Variants in SRSF2 observed in about 807,000 individuals in gnomAD.
SRSF2 encodes serine and arginine rich splicing factor 2.
Under a neutral mutation model 15.7 loss-of-function variants are expected in SRSF2, and 4 were observed. The ratio of observed to expected loss-of-function variants is 0.26; its 90% CI spans 0.13 to 0.58. The LOEUF (loss-of-function observed/expected upper bound fraction) is 0.58, where lower values mean the gene tolerates loss of function less well. Among genes scored for constraint, SRSF2 ranks in the 20% least tolerant of loss-of-function variants. SRSF2 has a pLI of 0.90. For missense variants in SRSF2, 147 were observed against 332.4 expected (o/e 0.44, Z 4.34); for synonymous variants, 192 against 138.9 (o/e 1.38, Z -2.69).
intron 2 of SRSF2, chr17:76,735,883 G>A (rs2077438184): frequency 1.7e-6 from 1 of 577,792 alleles, no homozygotes; most frequent in South Asian, 1.7e-5. Context: ...CAGCTTTAAA[G>A]GGGGAAAATG....
In SRSF2 at chr17:76,736,350, C is replaced by CGACCGA; in HGVS notation, c.471_476dup (p.Arg158_Ser159dup). 1 of 1,614,086 alleles carries CGACCGA rather than the reference C, an allele frequency of 6.2e-7. No individual in the cohort carries two copies. Among genetic ancestry groups the CGACCGA allele is most frequent in the East Asian group, 2.2e-5 (1 of 44,864 alleles). On this transcript the variant is annotated inframe_insertion, in exon 2 of 3. Coordinates refer to ENST00000359995, the MANE Select transcript of SRSF2 (RefSeq NM_001195427.2). ...TTCGTGCGGATCTGGACTTGGAGGT[C>CGACCGA]GACCGAGATCGAGAACGAGTGCGGG...
intron 2 of SRSF2, chr17:76,735,930 T>C: frequency 1.6e-6 from 1 of 620,418 alleles, no homozygotes; most frequent in South Asian, 1.8e-5. Context: ...ATAGTCATTT[T>C]CATTAATAGG....
intron 1 of SRSF2, 141 bp downstream of exon 1, chr17:76,736,657 TG>T: frequency 8.4e-7 from 1 of 1,194,388 alleles, no homozygotes; most frequent in South Asian, 2.3e-5. Context: ...GCTCGCGGGG[TG>T]GCCGGAGGGT....
rs1465459262 is a variant in SRSF2, at chr17:76,734,201, TAC to T, written c.*963_*964del. The T allele has an allele frequency of 1.8e-5, 4 of 219,162 alleles. No individual in the cohort carries two copies. The highest frequency in any genetic ancestry group is 9.0e-5 in the African/African-American group (4 of 44,524). 13.6% of individuals were successfully genotyped at this position (219,162 alleles called of 1,614,324 possible). On this transcript the variant is annotated 3_prime_UTR_variant, in exon 3 of 3. Coordinates refer to ENST00000359995, the MANE Select transcript of SRSF2 (RefSeq NM_001195427.2). ...TACAGAATATTCATAAGCAAAAAGA[TAC>T]ACCATGTTATAAGTACTTACAAAGT... is the stretch of plus-strand genomic sequence containing the variant.
rs758866264 is a variant in SRSF2, at chr17:76,736,174, G to C, written c.653C>G (p.Ala218Gly). ...SPPKSPEEEGAVSS is the reference protein window; with the variant it reads ...SPPKSPEEEGGVSS ...ATTACCATTTTCTTAAGAGGACACCGCTCCTTCCTCTTCAGGAGACTTGGG... is the reference window on the plus strand; with the variant it reads ...ATTACCATTTTCTTAAGAGGACACCCCTCCTTCCTCTTCAGGAGACTTGGG... The change falls in exon 2 of 3, where the codon GCG becomes GGG. Residue 218 changes from alanine to glycine, a missense_variant. Physicochemically the swap from Ala to Gly is moderately conservative, Grantham distance 60 (BLOSUM62 0). Transcript: ENST00000359995. The C allele has an allele frequency of 6.2e-7, 1 of 1,608,870 alleles. No individual in the cohort carries two copies. The highest frequency in any genetic ancestry group is 8.5e-7 in the Non-Finnish European group (1 of 1,176,670).
intron 2 of SRSF2, chr17:76,735,585 GAC>G (rs916895980): frequency 8.6e-6 from 2 of 233,594 alleles, no homozygotes; most frequent in African/African-American, 2.2e-5. Context: ...AAGAGTTAAA[GAC>G]ACACTATCCT....
At chr17:76,737,401 T>C (rs2077572714), upstream of SRSF2, 2 of 470,594 alleles carry the variant, frequency 4.2e-6, no homozygotes, top group South Asian at 4.0e-5. Flanking sequence ...CACCCGGAAA[T>C]GAAACCTTCT....
intron 2 of SRSF2, 175 bp from the exon 3 acceptor site, chr17:76,735,333 T>C (rs967999665): frequency 9.2e-6 from 2 of 217,064 alleles, no homozygotes; most frequent in Non-Finnish European, 1.8e-5. Flanking sequence ...ACCATCAGCA[T>C]GTACAAGTTT....
rs200354490 is a variant in SRSF2, at chr17:76,736,978, G to A, written c.183C>T (p.Arg61=). 466 of 1,613,558 alleles carry A rather than the reference G, an allele frequency of 2.9e-4. 1 individual carries two copies. In the East Asian group the frequency reaches 9.2e-3, roughly 32 times the overall value. The change falls in exon 1 of 3, where the codon CGC becomes CGT. Residue 61 remains arginine, a synonymous_variant. Transcript: ENST00000359995. The stretch of plus-strand genomic sequence containing the variant: ...CCTCAGCGTCGCGCTTGTCGTGAAA[G>A]CGAACGAAGGCGAAGCCGCGGGACT... ...TKESRGFAFV[R]FHDKRDAEDA...
At position 76,737,269 on chromosome 17, in the gene SRSF2, G is replaced by C. The variant is rs552603580; in HGVS notation, c.-109C>G. The C allele has an allele frequency of 2.1e-6, 3 of 1,406,706 alleles. No homozygotes were observed. The highest frequency in any genetic ancestry group is 2.9e-5 in the South Asian group (2 of 68,564). 87.1% of individuals were successfully genotyped at this position (1,406,706 alleles called of 1,614,324 possible). ...GTTGCCTTCCGCGTGGGGACACTGG[G>C]AAAGGCCTTGCCGCAGAACAGCACG... On this transcript the variant is annotated 5_prime_UTR_variant, in exon 1 of 3. Transcript: ENST00000359995.
Position 76,737,038 on chromosome 17 carries a change from G to C in SRSF2, c.123C>G (p.Gly41=), listed in dbSNP as rs61742139. ...RRVFEKYGRV[G]DVYIPRDRYT... ...AGCGGTCCCGCGGGATGTACACGTCGCCGACGCGCCCGTACTTCTCGAAGA... is the reference window on the plus strand; with the variant it reads ...AGCGGTCCCGCGGGATGTACACGTCCCCGACGCGCCCGTACTTCTCGAAGA... The change falls in exon 1 of 3, where the codon GGC becomes GGG. Residue 41 remains glycine (G), a synonymous_variant. Coordinates refer to ENST00000359995, the MANE Select transcript of SRSF2 (RefSeq NM_001195427.2). The C allele has an allele frequency of 2.2e-5, 35 of 1,613,208 alleles. No individual in the cohort carries two copies. The highest frequency in any genetic ancestry group is 8.5e-7 in the Non-Finnish European group (1 of 1,179,824).
chr17:76,735,499 G>A lies in SRSF2; in HGVS notation c.*8-341C>T, dbSNP rs1349193080. ...ATAAATTGTTTCAAATGAAACATTT[G>A]GTAATTGAGAATACTACTTTAATAT... On this transcript the variant is annotated intron_variant, in intron 2 of 2. Coordinates refer to ENST00000359995, the MANE Select transcript of SRSF2 (RefSeq NM_001195427.2). 4.8e-5 allele frequency: 11 copies of A among 227,976 alleles called. No homozygotes were observed. The East Asian group carries it at 7.0e-4, about 14-fold the overall frequency. The allele number at this position is 227,976 out of a possible 1,614,324, so 14.1% of individuals were successfully genotyped here. A position where few individuals can be genotyped will look rare whatever the true frequency, so the allele number is the denominator to read the frequency against.
intron 1 of SRSF2, 134 bp downstream of exon 1, chr17:76,736,665 G>A (rs1316282054): frequency 5.8e-6 from 7 of 1,212,708 alleles, no homozygotes; most frequent in South Asian, 2.3e-5. Context: ...GGTGGCCGGA[G>A]GGTCGCGAGA....
intron 1 of SRSF2, 53 bp downstream of exon 1, chr17:76,736,746 G>C (rs907056127): frequency 7.3e-5 from 101 of 1,391,932 alleles, no homozygotes; most frequent in Middle Eastern, 2.6e-4. Flanking sequence ...GAGGTCGCCC[G>C]GGCCTCCCGC....
At chr17:76,736,654 G>A in intron 1 of SRSF2, 145 bp downstream of exon 1, 1 of 1,190,898 alleles carries the variant, frequency 8.4e-7, no homozygotes, top group African/African-American at 1.6e-5. Context: ...GAAGCTCGCG[G>A]GGTGGCCGGA....
At position 76,735,122 on chromosome 17, in the gene SRSF2, T is replaced by TC. The variant is rs1042790316; in HGVS notation, c.*43dup. The stretch of plus-strand genomic sequence containing the variant: ...CTTCGATGGACTATGTGGTCCTTTT[T>TC]CCCCAAGTCCTCCGTTTACACTGCT... On this transcript the variant is annotated 3_prime_UTR_variant, in exon 3 of 3. Coordinates refer to ENST00000359995, the MANE Select transcript of SRSF2 (RefSeq NM_001195427.2). 2.7e-5 allele frequency: 6 copies of TC among 219,314 alleles called. No individual in the cohort carries two copies. The highest frequency in any genetic ancestry group is 6.7e-5 in the East Asian group (1 of 14,882). 13.6% of individuals were successfully genotyped at this position (219,314 alleles called of 1,614,324 possible).
At chr17:76,737,335 C>T (rs376946601), upstream of SRSF2, 13 of 828,966 alleles carry the variant, frequency 1.6e-5, no homozygotes, top group Non-Finnish European at 2.0e-5. Flanking sequence ...AACAACTGGG[C>T]GGGCAGCCGG....
At position 76,734,137 on chromosome 17, in the gene SRSF2, G is replaced by A. The variant is rs1338210108; in HGVS notation, c.*1029C>T. On this transcript the variant is annotated 3_prime_UTR_variant, in exon 3 of 3. Transcript: ENST00000359995. The stretch of plus-strand genomic sequence containing the variant: ...ATATTCTGAGAAAAGCTAACACCAA[G>A]AAAATGTTTTAATTAAACTACAGAA... 3 of 207,932 alleles carry A rather than the reference G, an allele frequency of 1.4e-5. No homozygotes were observed. The highest frequency in any genetic ancestry group is 2.3e-5 in the African/African-American group (1 of 43,868). The allele number at this position is 207,932 out of a possible 1,614,324, so 12.9% of individuals were successfully genotyped here.
rs754741757 is a variant in SRSF2 at position 76,736,780 on chromosome 17, T to G, written c.362+19A>C. On this transcript the variant is annotated intron_variant, in intron 1 of 2. Coordinates refer to ENST00000359995, the MANE Select transcript of SRSF2 (RefSeq NM_001195427.2). ...GCGCGCCCCGCCCCGCCTCCCGCGG[T>G]CCCCTCAGCCCCGTTTACCTGCGGC... 2 of 1,417,936 alleles carry G rather than the reference T, an allele frequency of 1.4e-6. No individual in the cohort carries two copies. The allele number at this position is 1,417,936 out of a possible 1,614,324, so 87.8% of individuals were successfully genotyped here.
Sources: gnomAD v4.1 joint callset for allele counts on GRCh38, gnomAD v4.1.1 for gene constraint, MANE v1.5 for transcripts, NCBI Gene and HGNC (gene_info 2026-07-23, HGNC 2026-07-21) for gene names.